Variants in MOB3B observed in about 807,000 individuals in gnomAD.
MOB3B encodes MOB kinase activator-like 2B.
In MOB3B, 7 loss-of-function variants were observed where a neutral mutation model predicts 18.7. That is an observed-to-expected ratio of 0.37 (90% confidence interval 0.21 to 0.70). MOB3B has a LOEUF of 0.70. Among genes scored for constraint, MOB3B ranks in the 30% least tolerant of loss-of-function variants. The pLI is 0.52. For missense variants in MOB3B, 253 were observed against 281.3 expected (o/e 0.90, Z 0.72); for synonymous variants, 111 against 99.9 (o/e 1.11, Z -0.66).
At position 27,489,741 on chromosome 9, in the gene MOB3B, C is replaced by CTTTTTTTTTTTTTTTTTTTTTTTT. The variant is rs66757462; in HGVS notation, c.-198-33994_-198-33993insAAAAAAAAAAAAAAAAAAAAAAAA. 1.1e-4 allele frequency among the ~76,000 whole-genome samples: 8 copies of CTTTTTTTTTTTTTTTTTTTTTTTT among 73,118 alleles called. 1 individual carries two copies. The highest frequency in any genetic ancestry group is 2.7e-4 in the African/African-American group (6 of 22,274). The allele number at this position is 73,118 out of a possible 152,430, so 48.0% of individuals were successfully genotyped here. A position where few individuals can be genotyped will look rare whatever the true frequency, so the allele number is the denominator to read the frequency against. On this transcript the variant is annotated intron_variant, in intron 1 of 3. Transcript: ENST00000262244. ...ACATCACACCAGATAAGGAAATAATCTTTTTTTTTTTTTGGTCCAACAGGG... is the reference window on the plus strand; with the variant it reads ...ACATCACACCAGATAAGGAAATAATCTTTTTTTTTTTTTTTTTTTTTTTTTTTTTTTTTTTTTGGTCCAACAGGG...
intron 1 of MOB3B, among the ~76,000 whole-genome samples, chr9:27,472,161 G>A (rs982817350): frequency 9.2e-5 from 14 of 151,938 alleles, no homozygotes; most frequent in African/African-American, 3.4e-4. Flanking sequence ...CATTCATTTA[G>A]GGGAGTTGTT....
intron 2 of MOB3B, among the ~76,000 whole-genome samples, chr9:27,414,281 G>A (rs975366952): frequency 1.3e-5 from 2 of 152,230 alleles, no homozygotes; most frequent in African/African-American, 4.8e-5. Context: ...AAGCAGGGAA[G>A]CTGCACATTC....
chr9:27,361,137 G>T (rs1178538238), intron 2 of MOB3B, among the ~76,000 whole-genome samples: 1 of 152,176 alleles, frequency 6.6e-6, no homozygotes. Flanking sequence ...GACATATGTT[G>T]TCTTCACAAT....
intron 3 of MOB3B, among the ~76,000 whole-genome samples, chr9:27,344,384 TCTC>T (rs1389456293): frequency 6.6e-6 from 1 of 152,162 alleles, no homozygotes; most frequent in Non-Finnish European, 1.5e-5. Flanking sequence ...TTTAGAATAA[TCTC>T]CTTCTTTTAA....
At chr9:27,487,416 G>A (rs1323042083) in intron 1 of MOB3B, among the ~76,000 whole-genome samples, 1 of 152,036 alleles carries the variant, frequency 6.6e-6, no homozygotes, top group Non-Finnish European at 1.5e-5. Flanking sequence ...GGGAGGATAG[G>A]CATGTCTCCT....
intron 1 of MOB3B, among the ~76,000 whole-genome samples, chr9:27,473,081 C>T (rs978683801): frequency 6.6e-6 from 1 of 152,180 alleles, no homozygotes; most frequent in African/African-American, 2.4e-5. Flanking sequence ...TTTGCTCTCC[C>T]TTAATTTTCC....
At chr9:27,340,665 A>G (rs1411126888) in intron 3 of MOB3B, among the ~76,000 whole-genome samples, 1 of 151,724 alleles carries the variant, frequency 6.6e-6, no homozygotes, top group Non-Finnish European at 1.5e-5. Flanking sequence ...CACCTGTATC[A>G]ACCTGGCTGA....
intron 2 of MOB3B, among the ~76,000 whole-genome samples, chr9:27,405,409 C>A (rs1463676081): frequency 1.3e-5 from 2 of 151,972 alleles, no homozygotes; most frequent in Non-Finnish European, 2.9e-5. Context: ...CCCAACCTGT[C>A]CATTTTTTAA....
chr9:27,414,728 CA>C (rs1350180340), intron 2 of MOB3B, among the ~76,000 whole-genome samples: 5 of 152,156 alleles, frequency 3.3e-5, no homozygotes, highest in African/African-American at 1.2e-4. Context: ...TTTTCCTCCC[CA>C]ATAAGTCAAA....
At chr9:27,399,057 G>A (rs1821839995) in intron 2 of MOB3B, among the ~76,000 whole-genome samples, 1 of 152,074 alleles carries the variant, frequency 6.6e-6, no homozygotes, top group South Asian at 2.1e-4. Flanking sequence ...CCAAGTGGAG[G>A]TCAAATAAAT....
intron 2 of MOB3B, among the ~76,000 whole-genome samples, chr9:27,440,382 T>C (rs1822574921): frequency 6.6e-6 from 1 of 151,398 alleles, no homozygotes; most frequent in Non-Finnish European, 1.5e-5. Context: ...ATTCCTTCTT[T>C]TTTTTTTTTT....
At chr9:27,469,158 G>A (rs1179632872) in intron 1 of MOB3B, among the ~76,000 whole-genome samples, 1 of 152,052 alleles carries the variant, frequency 6.6e-6, no homozygotes, top group Non-Finnish European at 1.5e-5. Context: ...GTAGAGATGG[G>A]GGTCTTGCCA....
intron 2 of MOB3B, among the ~76,000 whole-genome samples, chr9:27,359,726 G>T (rs912542314): frequency 3.3e-5 from 5 of 152,186 alleles, no homozygotes; most frequent in African/African-American, 9.7e-5. Flanking sequence ...TTGCATCACA[G>T]ATTCCCCCTT....
intron 1 of MOB3B, among the ~76,000 whole-genome samples, chr9:27,499,434 T>A (rs1224245439): frequency 6.6e-6 from 1 of 152,206 alleles, no homozygotes; most frequent in Non-Finnish European, 1.5e-5. Flanking sequence ...TAAAATGATC[T>A]CAGGTTCTTA....
At chr9:27,464,872 T>C (rs1587235176) in intron 1 of MOB3B, among the ~76,000 whole-genome samples, 1 of 152,086 alleles carries the variant, frequency 6.6e-6, no homozygotes, top group Non-Finnish European at 1.5e-5. Context: ...GAGAATAGCA[T>C]GGGAAAGACT....
intron 1 of MOB3B, among the ~76,000 whole-genome samples, chr9:27,489,693 T>TTA (rs1819784587): frequency 7.1e-6 from 1 of 140,090 alleles, no homozygotes; most frequent in Non-Finnish European, 1.5e-5. Context: ...TTTTCCTGGC[T>TTA]GGAAACAGGC....
chr9:27,522,929 T>TATATATATATA (rs60042853), intron 1 of MOB3B, among the ~76,000 whole-genome samples: 271 of 151,290 alleles, frequency 1.8e-3, no homozygotes, highest in African/African-American at 6.4e-3. Flanking sequence ...ATATATATAT[T>TATATATATATA]TTTTTCCGTA....
intron 1 of MOB3B, among the ~76,000 whole-genome samples, chr9:27,503,738 T>G (rs2131496455): frequency 6.6e-6 from 1 of 152,360 alleles, no homozygotes; most frequent in Middle Eastern, 3.4e-3. Context: ...GTTGGGAGTG[T>G]TAGAGGCTGG....
intron 1 of MOB3B, among the ~76,000 whole-genome samples, chr9:27,462,928 G>C (rs1819316629): frequency 6.6e-6 from 1 of 152,220 alleles, no homozygotes; most frequent in Non-Finnish European, 1.5e-5. Flanking sequence ...ATAAGTTTAA[G>C]TTTGACAGGG....
Sources: allele counts gnomAD v4.1 joint callset (sites outside exome capture counted in the v4.1 genomes callset), GRCh38; gene constraint gnomAD v4.1.1; transcripts MANE v1.5; gene names NCBI Gene and HGNC (gene_info 2026-07-23, HGNC 2026-07-21).